MAST4: variants seen among roughly 807,000 people sequenced by gnomAD.
MAST4 encodes the protein microtubule associated serine/threonine kinase family member 4.
In MAST4, 89 loss-of-function variants were observed where a neutral mutation model predicts 162.7. That is an observed-to-expected ratio of 0.55 (90% CI 0.46 to 0.65). The LOEUF (loss-of-function observed/expected upper bound fraction) is 0.65, where lower values mean the gene tolerates loss of function less well. MAST4 is among the 30% of genes least tolerant of loss of function. The probability of loss-of-function intolerance (pLI) is 0.00; values close to 1 mark genes in which losing one functional copy is unlikely to be tolerated. For synonymous variants in MAST4, 1,479 were observed against 1,361.1 expected, an observed-to-expected ratio of 1.09 and a Z score of -1.91; for missense variants, 3,153 against 3,374.0, an observed-to-expected ratio of 0.93 and a Z score of 1.62.
intron 2 of MAST4, among the ~76,000 whole-genome samples, chr5:66,768,834 A>G (rs1028865006): frequency 1.3e-5 from 2 of 152,212 alleles, no homozygotes; most frequent in African/African-American, 4.8e-5. Flanking sequence ...ATGTATATCT[A>G]TAATTATATC....
chr5:67,069,881 AGTGTGTGTGTGT>A (rs200867949), intron 5 of MAST4, among the ~76,000 whole-genome samples: 26 of 142,758 alleles, frequency 1.8e-4, no homozygotes, highest in East Asian at 1.3e-3. Flanking sequence ...TTTGAGAGAA[AGTGTGTGTGTGT>A]GTGTGTGTGT....
intron 2 of MAST4, among the ~76,000 whole-genome samples, chr5:66,762,269 A>G (rs561567647): frequency 2.2e-4 from 33 of 152,270 alleles, no homozygotes; most frequent in Non-Finnish European, 2.4e-4. Context: ...TAAAAAAAAA[A>G]TCCATCGAAC....
intron 1 of MAST4, among the ~76,000 whole-genome samples, chr5:66,736,435 G>A (rs773099028): frequency 4.6e-5 from 7 of 151,104 alleles, no homozygotes; most frequent in East Asian, 1.9e-4. Context: ...TGGGTCAGTC[G>A]CTGAATTACT....
At chr5:67,093,267 GA>G (rs1056555894) in intron 6 of MAST4, among the ~76,000 whole-genome samples, 1 of 152,038 alleles carries the variant, frequency 6.6e-6, no homozygotes. Context: ...CACCCACAAG[GA>G]AAAAGACTCT....
chr5:66,857,598 T>C (rs1444248248), intron 3 of MAST4, among the ~76,000 whole-genome samples: 1 of 152,252 alleles, frequency 6.6e-6, no homozygotes, highest in Non-Finnish European at 1.5e-5. Flanking sequence ...AAGTGATGAC[T>C]TTGTTGTTTT....
At chr5:66,788,875 A>G (rs1404713621) in intron 3 of MAST4, 81 bp downstream of exon 3, 7 of 1,412,822 alleles carry the variant, frequency 5.0e-6, no homozygotes, top group African/African-American at 4.4e-5. Context: ...GAGTTTAACT[A>G]TATTTAAACT....
rs1036018924 is a variant in MAST4, at chr5:66,739,774, A to G, written c.364-19935A>G. ...GTTTTCCCATGGCAAATGCTAAAAC[A>G]GAAGACTCAGCTAAGCATTTTTGTA... On this transcript the variant is annotated intron_variant, in intron 1 of 28. Coordinates refer to ENST00000403625, the MANE Select transcript of MAST4 (RefSeq NM_001164664.2). 2.0e-5 allele frequency among the ~76,000 whole-genome samples: 3 copies of G among 151,990 alleles called. No individual in the cohort carries two copies. In the South Asian group the frequency reaches 6.2e-4, roughly 32 times the overall value.
intron 1 of MAST4, among the ~76,000 whole-genome samples, chr5:66,640,102 A>T (rs937094678): frequency 3.3e-5 from 5 of 152,036 alleles, no homozygotes; most frequent in Non-Finnish European, 7.4e-5. Flanking sequence ...CCCCACCTCT[A>T]TTCTGCTTCC....
At chr5:66,900,251 C>T (rs1328152369) in intron 4 of MAST4, among the ~76,000 whole-genome samples, 1 of 151,912 alleles carries the variant, frequency 6.6e-6, no homozygotes, top group Non-Finnish European at 1.5e-5. Context: ...TAAGCAAAAA[C>T]ATTATTTGGT....
chr5:66,948,647 G>C (rs1026835459), intron 4 of MAST4, among the ~76,000 whole-genome samples: 2 of 152,050 alleles, frequency 1.3e-5, no homozygotes, highest in East Asian at 3.9e-4. Context: ...CCACTGGTGC[G>C]GCTGGAGCTG....
At chr5:67,027,049 A>G (rs1054362782) in intron 4 of MAST4, among the ~76,000 whole-genome samples, 1 of 152,200 alleles carries the variant, frequency 6.6e-6, no homozygotes, top group African/African-American at 2.4e-5. Flanking sequence ...ATTATCTTCA[A>G]GAACACATGT....
At chr5:66,684,364 T>TC (rs1748509891) in intron 1 of MAST4, among the ~76,000 whole-genome samples, 1 of 68,702 alleles carries the variant, frequency 1.5e-5, no homozygotes, top group African/African-American at 7.6e-5. Context: ...GCTATTTTTT[T>TC]TTCTCTTTTC....
intron 5 of MAST4, 115 bp downstream of exon 5, chr5:67,054,607 C>A: frequency 1.1e-6 from 1 of 898,164 alleles, no homozygotes; most frequent in Non-Finnish European, 1.7e-6. Flanking sequence ...TGTTTTCCTG[C>A]TGTTTTATCC....
chr5:66,953,373 C>A (rs559621245), intron 4 of MAST4, among the ~76,000 whole-genome samples: 1 of 152,298 alleles, frequency 6.6e-6, no homozygotes, highest in East Asian at 1.9e-4. Flanking sequence ...ACACATACAA[C>A]TGGCTTTACT....
intron 4 of MAST4, among the ~76,000 whole-genome samples, chr5:66,999,442 T>C (rs770925154): frequency 1.3e-5 from 2 of 152,222 alleles, no homozygotes; most frequent in African/African-American, 2.4e-5. Flanking sequence ...ATTTCCCATA[T>C]CTATGCACTG....
At chr5:66,863,062 A>G (rs1760232432) in intron 3 of MAST4, among the ~76,000 whole-genome samples, 1 of 152,238 alleles carries the variant, frequency 6.6e-6, no homozygotes, top group Non-Finnish European at 1.5e-5. Context: ...TCAAAGTAAG[A>G]ATTGCATCAG....
At chr5:66,801,883 A>G (rs1755940334) in intron 3 of MAST4, among the ~76,000 whole-genome samples, 2 of 152,202 alleles carry the variant, frequency 1.3e-5, no homozygotes, top group African/African-American at 2.4e-5. Flanking sequence ...TAAGACATTC[A>G]TTTGTTGCTT....
Position 67,167,175 on chromosome 5 carries a change from A to T in MAST4, c.*124A>T, listed in dbSNP as rs1774152005. On this transcript the variant is annotated 3_prime_UTR_variant, in exon 29 of 29. Coordinates refer to ENST00000403625, the MANE Select transcript of MAST4 (RefSeq NM_001164664.2). Reference sequence around the variant, plus strand: ...AGGCAGAGCTCGGAGCCTCATTGAGACAGGGGAGAGAGAAAGACAAAGAGG... The same window carrying T: ...AGGCAGAGCTCGGAGCCTCATTGAGTCAGGGGAGAGAGAAAGACAAAGAGG... 2.7e-6 allele frequency: 2 copies of T among 736,418 alleles called. No homozygotes were observed. Among genetic ancestry groups the T allele is most frequent in the African/African-American group, 1.8e-5 (1 of 55,366 alleles). 45.6% of individuals were successfully genotyped at this position (736,418 alleles called of 1,614,324 possible). A position where few individuals can be genotyped will look rare whatever the true frequency, so the allele number is the denominator to read the frequency against.
chr5:66,989,712 T>C (rs564907791), intron 4 of MAST4, among the ~76,000 whole-genome samples: 7 of 152,162 alleles, frequency 4.6e-5, no homozygotes, highest in South Asian at 4.1e-4. Flanking sequence ...AAGCAAAATT[T>C]TTTTTCAATC....
Sources: allele counts gnomAD v4.1 joint callset (sites outside exome capture counted in the v4.1 genomes callset), GRCh38; gene constraint gnomAD v4.1.1; transcripts MANE v1.5; gene names NCBI Gene and HGNC (gene_info 2026-07-23, HGNC 2026-07-21).